Variants in CHD6 observed in about 807,000 individuals in gnomAD.
CHD6 encodes the protein ATP-dependent chromatin remodeler CHD6.
A neutral mutation model predicts 276.9 loss-of-function variants in CHD6; 50 were observed. The ratio of observed to expected loss-of-function variants is 0.18; its 90% CI spans 0.14 to 0.23. The LOEUF (loss-of-function observed/expected upper bound fraction) is 0.23, where lower values mean the gene tolerates loss of function less well. Ranked by LOEUF, CHD6 falls within the 10% of genes least tolerant of loss-of-function variation. The pLI, the probability that CHD6 is intolerant of heterozygous loss-of-function variation, is 1.00. For synonymous variants in CHD6, 1,173 were observed against 1,229.3 expected (o/e 0.95, Z 0.96); for missense variants, 2,564 against 3,365.8 (o/e 0.76, Z 5.89).
intron 1 of CHD6, among the ~76,000 whole-genome samples, chr20:41,555,350 C>A (rs1338016880): frequency 7.0e-6 from 1 of 142,424 alleles, no homozygotes; most frequent in Non-Finnish European, 1.5e-5. Context: ...GGGCGGCCGG[C>A]CGGGCGGGGG....
At chr20:41,428,718 A>C (rs971220537) in intron 27 of CHD6, among the ~76,000 whole-genome samples, 6 of 152,184 alleles carry the variant, frequency 3.9e-5, no homozygotes, top group African/African-American at 1.4e-4. Flanking sequence ...CACAATATTC[A>C]AGGATTTTAT....
At chr20:41,447,761 C>T (rs377729917) in intron 24 of CHD6, 121 bp downstream of exon 24, 2 of 594,564 alleles carry the variant, frequency 3.4e-6, no homozygotes, top group African/African-American at 1.9e-5. Context: ...GGACACCGGT[C>T]CTGGGCAGGG....
intron 2 of CHD6, among the ~76,000 whole-genome samples, chr20:41,550,296 C>T (rs549356914): frequency 6.6e-6 from 1 of 152,212 alleles, no homozygotes; most frequent in Non-Finnish European, 1.5e-5. Flanking sequence ...GTACATCGAA[C>T]TGCATTCCAT....
At chr20:41,407,549 C>A (rs1167443900) in intron 36 of CHD6, among the ~76,000 whole-genome samples, 1 of 152,244 alleles carries the variant, frequency 6.6e-6, no homozygotes. Flanking sequence ...CCAGGCATTT[C>A]CCATTTTTCC....
At chr20:41,484,261 T>A in intron 15 of CHD6, 91 bp downstream of exon 15, 1 of 1,459,962 alleles carries the variant, frequency 6.8e-7, no homozygotes, top group Middle Eastern at 2.4e-4. Context: ...TAGCATATAA[T>A]GAAAATTCAA....
intron 2 of CHD6, chr20:41,547,607 G>A: frequency 1.8e-6 from 1 of 571,354 alleles, no homozygotes; most frequent in Non-Finnish European, 3.3e-6. Context: ...CAGTGAAACT[G>A]ACGATTCAGA....
chr20:41,410,573 C>T (rs1335023930), intron 36 of CHD6, among the ~76,000 whole-genome samples: 1 of 152,172 alleles, frequency 6.6e-6, no homozygotes, highest in Non-Finnish European at 1.5e-5. Flanking sequence ...GTTCGGAAGG[C>T]TGAGCTGCCC....
chr20:41,497,021 T>A (rs1208626340), intron 8 of CHD6: 1 of 183,888 alleles, frequency 5.4e-6, no homozygotes, highest in Admixed American at 5.4e-5. Flanking sequence ...TTTAGATTTG[T>A]TTTGTTTTTT....
At chr20:41,577,816 G>A (rs1247805621) in intron 1 of CHD6, among the ~76,000 whole-genome samples, 1 of 152,176 alleles carries the variant, frequency 6.6e-6, no homozygotes, top group African/African-American at 2.4e-5. Context: ...ATAATCAACT[G>A]TCTGGGTTCA....
Position 41,420,553 on chromosome 20 carries a change from C to T in CHD6, c.6082G>A (p.Glu2028Lys), listed in dbSNP as rs780291326. Residue 2028 changes from glutamate (E) to lysine (K), a missense_variant, in exon 31 of 37, where the codon GAG becomes AAG. Glu to Lys is a moderately conservative substitution (Grantham distance 56). This residue lies in a region of CHD6 where 1,024 missense variants were observed against 1,047.9 expected (regional missense o/e 0.98). Coordinates refer to ENST00000373233, the MANE Select transcript of CHD6 (RefSeq NM_032221.5). Reference protein sequence around the residue: ...SELKSEDMDFENKDDYDRDGN... With the variant: ...SELKSEDMDFKNKDDYDRDGN... ...TCTCTATCATAATCATCTTTATTCTCAAAATCCATGTCTTCTGATTTGAGC... is the reference window on the plus strand; with the variant it reads ...TCTCTATCATAATCATCTTTATTCTTAAAATCCATGTCTTCTGATTTGAGC... 2 of 1,613,828 alleles carry T rather than the reference C, an allele frequency of 1.2e-6. No homozygotes were observed. Among genetic ancestry groups the T allele is most frequent in the Admixed American group, 3.3e-5 (2 of 60,008 alleles).
Position 41,533,335 on chromosome 20 carries a change from G to C in CHD6, c.269C>G (p.Thr90Ser). 1 of 1,613,886 alleles carries C rather than the reference G, an allele frequency of 6.2e-7. No homozygotes were observed. The highest frequency in any genetic ancestry group is 8.5e-7 in the Non-Finnish European group (1 of 1,180,008). ...TTTCTTCCGTTTCTTCTTCACTCCA[G>C]TACCTCCTCCTCCACTGTCCTCCAT... ...NGMEDSGGGG[T>S]GVKKKRKKKE... Residue 90 changes from threonine to serine, a missense_variant, in exon 3 of 37, where the codon ACT becomes AGT. Thr to Ser is a moderately conservative substitution (Grantham distance 58, BLOSUM62 1). Around this residue, in one of 7 missense-constraint regions of CHD6, gnomAD observed 286 missense variants for 297.8 expected, o/e 0.96. Coordinates refer to ENST00000373233, the MANE Select transcript of CHD6 (RefSeq NM_032221.5).
intron 2 of CHD6, among the ~76,000 whole-genome samples, chr20:41,540,123 G>A (rs2044913382): frequency 6.6e-6 from 1 of 152,176 alleles, no homozygotes; most frequent in Admixed American, 6.5e-5. Flanking sequence ...TAGAATGTAA[G>A]CTTCCAGAGG....
chr20:41,571,455 C>T (rs576679631), intron 1 of CHD6, among the ~76,000 whole-genome samples: 2 of 147,316 alleles, frequency 1.4e-5, no homozygotes, highest in African/African-American at 2.5e-5. Flanking sequence ...TGCAATGGCA[C>T]GATCTCAGCT....
At chr20:41,543,102 CA>C (rs568067367) in intron 2 of CHD6, among the ~76,000 whole-genome samples, 17,655 of 80,582 alleles carry the variant, frequency 0.22, 753 homozygotes, top group South Asian at 0.26. Flanking sequence ...GACTCTGTCT[CA>C]AAAAAAAAAA....
Position 41,501,692 on chromosome 20 carries a change from G to A in CHD6, c.853-2335C>T, listed in dbSNP as rs369683703. Among the ~76,000 whole-genome samples the A allele has an allele frequency of 6.6e-5, 10 of 152,118 alleles. No individual in the cohort carries two copies. In the South Asian group the frequency reaches 1.2e-3, roughly 19 times the overall value. On this transcript the variant is annotated intron_variant, in intron 5 of 36. Transcript: ENST00000373233. ...AGAAGAAATACTGGGTTATGGGGTA[G>A]GTAGATGTCTAATTTTAATAAATAT...
intron 1 of CHD6, among the ~76,000 whole-genome samples, chr20:41,554,588 G>A (rs1178555821): frequency 6.6e-6 from 1 of 151,262 alleles, no homozygotes; most frequent in African/African-American, 2.4e-5. Flanking sequence ...GAGTGGTGAT[G>A]ACTCTTAACG....
chr20:41,453,907 A>G (rs2048315037), intron 20 of CHD6, among the ~76,000 whole-genome samples: 1 of 152,226 alleles, frequency 6.6e-6, no homozygotes, highest in Non-Finnish European at 1.5e-5. Context: ...AGCTACAAGC[A>G]GGGACTGTCT....
At position 41,452,783 on chromosome 20, in the gene CHD6, G is replaced by T; in HGVS notation, c.3280C>A (p.Arg1094=). ...RLNDKARRYL[R]AECFRVEKNL... ...TTCTCTACCCGGAAGCACTCCGCTC[G>T]GAGGTAGCGCCTGGCTTTGTCATTG... The change falls in exon 21 of 37, where the codon CGA becomes AGA. Residue 1094 remains arginine, a synonymous_variant. Coordinates refer to ENST00000373233, the MANE Select transcript of CHD6 (RefSeq NM_032221.5). This position sits in a 1 kb window ranked among gnomAD's most constrained non-coding sequence, Gnocchi z 4.2. 2 of 1,613,376 alleles carry T rather than the reference G, an allele frequency of 1.2e-6. No individual in the cohort carries two copies. Among genetic ancestry groups the T allele is most frequent in the Non-Finnish European group, 1.7e-6 (2 of 1,179,894 alleles).
At chr20:41,443,165 C>G (rs1004208266) in intron 25 of CHD6, among the ~76,000 whole-genome samples, 2 of 152,218 alleles carry the variant, frequency 1.3e-5, no homozygotes, top group Admixed American at 6.5e-5. Context: ...ATCTTAACAT[C>G]TCACAGGTGT....
Sources: allele counts gnomAD v4.1 joint callset (sites outside exome capture counted in the v4.1 genomes callset), GRCh38; gene constraint gnomAD v4.1.1; regional missense constraint gnomAD v4.1.1; non-coding constraint Gnocchi (gnomAD v3.1); transcripts MANE v1.5; gene names NCBI Gene and HGNC (gene_info 2026-07-23, HGNC 2026-07-21).